The following HTT variants were observed in gnomAD, a reference collection of about 807,000 sequenced individuals.
The protein encoded by HTT is huntington disease protein.
Under a neutral mutation model 362.3 loss-of-function variants are expected in HTT, and 104 were observed. The observed-to-expected ratio is 0.29, with a 90% CI of 0.24 to 0.34. The LOEUF is 0.34. HTT is among the 10% of genes least tolerant of loss of function. The pLI, the probability that HTT is intolerant of heterozygous loss-of-function variation, is 1.00. For missense variants in HTT, 3,301 were observed against 3,928.6 expected (o/e 0.84, Z 4.27); for synonymous variants, 1,577 against 1,548.7 (o/e 1.02, Z -0.43).
At chr4:3,140,124 G>A (rs771631598) in intron 21 of HTT, among the ~76,000 whole-genome samples, 2 of 152,032 alleles carry the variant, frequency 1.3e-5, no homozygotes, top group Non-Finnish European at 2.9e-5. Flanking sequence ...AGCCGGGCGC[G>A]GTGGCAGGCG....
At position 3,172,173 on chromosome 4, in the gene HTT, A is replaced by G. The variant is rs1267061267; in HGVS notation, c.3865-147A>G. ...CAAGACTTTTTACTGACTGTTCAAA[A>G]TAAGAAATTGAAAACTTTCCTCTGA... On this transcript the variant is annotated intron_variant, in intron 29 of 66. Transcript: ENST00000355072. 16 of 647,756 alleles carry G rather than the reference A, an allele frequency of 2.5e-5. No homozygotes were observed. In the African/African-American group the frequency reaches 2.7e-4, roughly 11 times the overall value. 40.1% of individuals were successfully genotyped at this position (647,756 alleles called of 1,614,324 possible). A position where few individuals can be genotyped will look rare whatever the true frequency, so the allele number is the denominator to read the frequency against.
intron 3 of HTT, among the ~76,000 whole-genome samples, chr4:3,100,326 C>G (rs1714092161): frequency 6.6e-6 from 1 of 152,224 alleles, no homozygotes; most frequent in Non-Finnish European, 1.5e-5. Context: ...TCCTTACACT[C>G]TTACCCAGCA....
chr4:3,199,900 C>A lies in HTT; in HGVS notation c.5537C>A (p.Thr1846Asn), dbSNP rs1409887257. Residue 1846 changes from threonine to asparagine, a missense_variant, in exon 41 of 67, where the codon ACC becomes AAC. Thr to Asn is a moderately conservative substitution (Grantham distance 65, BLOSUM62 0). Coordinates refer to ENST00000355072, the MANE Select transcript of HTT (RefSeq NM_001388492.1). ...CAGATACTGCTGCTTGTCAACCACA[C>A]CGACTACCGCTGGTGGGCAGAAGTG... Reference protein sequence around the residue: ...WCQILLLVNHTDYRWWAEVQQ... With the variant: ...WCQILLLVNHNDYRWWAEVQQ... 2 of 1,614,022 alleles carry A rather than the reference C, an allele frequency of 1.2e-6. No homozygotes were observed. Among genetic ancestry groups the A allele is most frequent in the African/African-American group, 1.3e-5 (1 of 74,920 alleles).
At chr4:3,098,620 A>G (rs181750908) in intron 2 of HTT, among the ~76,000 whole-genome samples, 3 of 152,346 alleles carry the variant, frequency 2.0e-5, no homozygotes, top group Admixed American at 6.5e-5. Context: ...GCTTCTTTCA[A>G]TTAAACATTT....
chr4:3,076,980 C>G (rs1712587521), intron 1 of HTT, among the ~76,000 whole-genome samples: 1 of 152,030 alleles, frequency 6.6e-6, no homozygotes, highest in South Asian at 2.1e-4. Context: ...GAGTTTGAGA[C>G]CAGCCTGGCT....
intron 18 of HTT, 97 bp from the exon 19 acceptor site, chr4:3,134,304 C>A: frequency 1.9e-6 from 2 of 1,047,200 alleles, no homozygotes; most frequent in South Asian, 1.7e-5. Context: ...AAACCCAGAA[C>A]ATTGTGTGTT....
chr4:3,123,361 A>G (rs920009262), intron 10 of HTT: 13 of 157,662 alleles, frequency 8.2e-5, no homozygotes, highest in African/African-American at 4.8e-5. Context: ...TACTTACAGA[A>G]ACAGACAGGC....
intron 2 of HTT, among the ~76,000 whole-genome samples, chr4:3,096,494 G>A (rs1231263635): frequency 6.6e-6 from 1 of 152,190 alleles, no homozygotes; most frequent in Non-Finnish European, 1.5e-5. Flanking sequence ...TAAATTAAAA[G>A]CATTCAAATT....
chr4:3,224,542 C>T (rs1165388518), intron 56 of HTT, among the ~76,000 whole-genome samples: 4 of 152,214 alleles, frequency 2.6e-5, no homozygotes, highest in African/African-American at 7.2e-5. Context: ...CCGCTCCCTG[C>T]ACCTCTCCCC....
intron 2 of HTT, among the ~76,000 whole-genome samples, chr4:3,089,039 C>T (rs1713362231): frequency 6.6e-6 from 1 of 152,180 alleles, no homozygotes; most frequent in South Asian, 2.1e-4. Context: ...TCTATCTCTG[C>T]TACCTGTGTA....
chr4:3,130,197 A>G, intron 13 of HTT, 108 bp from the exon 14 acceptor site: 1 of 1,063,440 alleles, frequency 9.4e-7, no homozygotes, highest in Non-Finnish European at 1.4e-6. Context: ...GAATAATCAT[A>G]CTTTTTCTTG....
intron 14 of HTT, 107 bp from the exon 15 acceptor site, chr4:3,131,179 C>A: frequency 1.2e-6 from 1 of 819,798 alleles, no homozygotes; most frequent in Non-Finnish European, 2.1e-6. Flanking sequence ...ATCTCTTTAT[C>A]CCCAGCACCT....
chr4:3,212,248 A>C, intron 48 of HTT, 106 bp downstream of exon 48: 1 of 908,668 alleles, frequency 1.1e-6, no homozygotes, highest in South Asian at 1.7e-5. Context: ...TAATACATTG[A>C]AAGCGTTTAC....
chr4:3,214,066 G>T lies in HTT; in HGVS notation c.6883G>T (p.Val2295Phe). 1 of 1,609,018 alleles carries T rather than the reference G, an allele frequency of 6.2e-7. No homozygotes were observed. Among genetic ancestry groups the T allele is most frequent in the Non-Finnish European group, 8.5e-7 (1 of 1,177,540 alleles). Reference sequence around the variant, plus strand: ...GCAGCTGCCTGGCCTCTGGAGCGTGGTCTCCTCCACAGAGTTTGTGACCCA... The same window carrying T: ...GCAGCTGCCTGGCCTCTGGAGCGTGTTCTCCTCCACAGAGTTTGTGACCCA... ...ALQLPGLWSV[V>F]SSTEFVTHAC... Residue 2295 changes from valine to phenylalanine, a missense_variant, in exon 50 of 67, where the codon GTC becomes TTC. Val to Phe is a conservative substitution (Grantham distance 50, BLOSUM62 -1). Coordinates refer to ENST00000355072, the MANE Select transcript of HTT (RefSeq NM_001388492.1).
chr4:3,212,767 TGAA>T, intron 49 of HTT, 58 bp downstream of exon 49: 1 of 1,577,966 alleles, frequency 6.3e-7, no homozygotes, highest in Admixed American at 1.7e-5. Flanking sequence ...GGGCTGACAC[TGAA>T]GAGGGTAAAG....
At position 3,127,566 on chromosome 4, in the gene HTT, C is replaced by T. The variant is rs1240909957; in HGVS notation, c.1705C>T (p.Pro569Ser). The change falls in exon 12 of 67, where the codon CCT (proline) becomes TCT (serine). Residue 569 changes from proline to serine, a missense_variant. By Grantham distance (74) the Pro-to-Ser change is moderately conservative (BLOSUM62 -1). This residue lies in a region of HTT where 2,316 missense variants were observed against 2,658.5 expected (regional missense o/e 0.87). Coordinates refer to ENST00000355072, the MANE Select transcript of HTT (RefSeq NM_001388492.1). The stretch of plus-strand genomic sequence containing the variant: ...CAGCTCCCAGACCACCACCGAAGGG[C>T]CTGATTCAGCTGTTACCCCTTCAGA... ...SDSSQTTTEG[P>S]DSAVTPSDSS... 6.2e-7 allele frequency: 1 copy of T among 1,613,838 alleles called. No homozygotes were observed. The highest frequency in any genetic ancestry group is 8.5e-7 in the Non-Finnish European group (1 of 1,179,858).
At chr4:3,147,916 A>G (rs1462895262) in intron 25 of HTT, 89 bp from the exon 26 acceptor site, 3 of 1,026,644 alleles carry the variant, frequency 2.9e-6, no homozygotes, top group Non-Finnish European at 4.3e-6. Flanking sequence ...AACTCTCAAC[A>G]TAGGGTCTTA....
At position 3,140,498 on chromosome 4, in the gene HTT, CT is replaced by C. The variant is rs1716292149; in HGVS notation, c.2799-8del. 1 of 1,613,550 alleles carries C rather than the reference CT, an allele frequency of 6.2e-7. No individual in the cohort carries two copies. On this transcript the variant is annotated splice_polypyrimidine_tract_variant and intron_variant, in intron 21 of 66. Coordinates refer to ENST00000355072, the MANE Select transcript of HTT (RefSeq NM_001388492.1). ...TACTTTCTTAAGCAAATTAACCTTACTTTTGTGTTAGGCTTGTCCCAAAGCT... is the reference window on the plus strand; with the variant it reads ...TACTTTCTTAAGCAAATTAACCTTACTTTGTGTTAGGCTTGTCCCAAAGCT...
In HTT at chr4:3,206,312, C is replaced by G. The variant is rs1027423446; in HGVS notation, c.5719-184C>G. ...TGCCGCAGTGCGTGGTTGGAGGTGA[C>G]GGCCTTGGTAAATCGAGTTTCCTAC... On this transcript the variant is annotated intron_variant, in intron 42 of 66. Coordinates refer to ENST00000355072, the MANE Select transcript of HTT (RefSeq NM_001388492.1). The surrounding 1 kb of genome is among the most constrained non-coding windows in gnomAD (Gnocchi z 4.6). 6.6e-6 allele frequency among the ~76,000 whole-genome samples: 1 copy of G among 152,240 alleles called. No homozygotes were observed. Among genetic ancestry groups the G allele is most frequent in the African/African-American group, 2.4e-5 (1 of 41,462 alleles).
Sources: gnomAD v4.1 joint callset for allele counts (sites outside exome capture counted in the v4.1 genomes callset) on GRCh38, gnomAD v4.1.1 for gene constraint, gnomAD v4.1.1 regional missense constraint, Gnocchi (gnomAD v3.1) non-coding constraint, MANE v1.5 for transcripts, NCBI Gene and HGNC (gene_info 2026-07-23, HGNC 2026-07-21) for gene names.